UBE2E2: variants seen among roughly 807,000 people sequenced by gnomAD.
UBE2E2 encodes ubiquitin-conjugating enzyme E2 E2.
UBE2E2 carries 6 observed loss-of-function variants against 24.7 expected under a neutral mutation model. The ratio of observed to expected loss-of-function variants is 0.24; its 90% CI spans 0.13 to 0.48. The LOEUF (loss-of-function observed/expected upper bound fraction) is 0.48, where lower values mean the gene tolerates loss of function less well. Among genes scored for constraint, UBE2E2 ranks in the 20% least tolerant of loss-of-function variants. UBE2E2 has a pLI of 0.99. For missense variants in UBE2E2, 169 were observed against 245.0 expected (o/e 0.69, Z 2.07); for synonymous variants, 104 against 83.6 (o/e 1.24, Z -1.33).
chr3:23,472,182 A>G (rs1057282817), intron 3 of UBE2E2, among the ~76,000 whole-genome samples: 5 of 152,254 alleles, frequency 3.3e-5, no homozygotes, highest in Non-Finnish European at 7.3e-5. Flanking sequence ...AATGGAGTAT[A>G]TAAGATATTT....
Position 23,591,763 on chromosome 3 carries a change from C to T in UBE2E2, c.*1932C>T, listed in dbSNP as rs1696770473. 1 of 152,184 alleles carries T rather than the reference C, an allele frequency of 6.6e-6. No individual in the cohort carries two copies. The highest frequency in any genetic ancestry group is 1.5e-5 in the Non-Finnish European group (1 of 68,034). The allele number at this position is 152,184 out of a possible 1,614,324, so 9.4% of individuals were successfully genotyped here. ...AACGATGTGTCATTTCTTTCTTTAA[C>T]ATAAAATAAATTCAATATGGTACAA... On this transcript the variant is annotated 3_prime_UTR_variant, in exon 6 of 6. Transcript: ENST00000396703.
intron 3 of UBE2E2, among the ~76,000 whole-genome samples, chr3:23,224,340 A>G (rs185398376): frequency 6.6e-6 from 1 of 151,494 alleles, no homozygotes; most frequent in Non-Finnish European, 1.5e-5. Context: ...TTATTTCATC[A>G]GTTTTATAGT....
At chr3:23,488,935 A>C (rs1262038484) in intron 3 of UBE2E2, among the ~76,000 whole-genome samples, 1 of 152,224 alleles carries the variant, frequency 6.6e-6, no homozygotes, top group Non-Finnish European at 1.5e-5. Context: ...AAACATGCCC[A>C]GGATGAAAAG....
chr3:23,290,129 T>TAC lies in UBE2E2; in HGVS notation c.227+72829_227+72830dup, dbSNP rs553114841. On this transcript the variant is annotated intron_variant, in intron 3 of 5. Transcript: ENST00000396703. ...TTTTTAGAATATGTATGTATATGTC[T>TAC]ACACACACACACATACGCACACATG... 3.4e-4 allele frequency among the ~76,000 whole-genome samples: 51 copies of TAC among 152,146 alleles called. 1 individual carries two copies. The South Asian group carries it at 6.6e-3, about 20-fold the overall frequency.
chr3:23,314,447 T>A (rs747730624), intron 3 of UBE2E2, among the ~76,000 whole-genome samples: 19 of 152,144 alleles, frequency 1.2e-4, no homozygotes, highest in Non-Finnish European at 2.6e-4. Flanking sequence ...TTATTTTTGT[T>A]GGGTTTATGT....
chr3:23,297,745 G>A (rs576166374), intron 3 of UBE2E2, among the ~76,000 whole-genome samples: 1 of 152,190 alleles, frequency 6.6e-6, no homozygotes, highest in Admixed American at 6.5e-5. Flanking sequence ...TGTTCTTTTG[G>A]CTTAGGATTG....
At chr3:23,299,556 A>G (rs1699011412) in intron 3 of UBE2E2, among the ~76,000 whole-genome samples, 1 of 152,184 alleles carries the variant, frequency 6.6e-6, no homozygotes, top group African/African-American at 2.4e-5. Flanking sequence ...GTAGTCATTC[A>G]GGAGCAGGTT....
At chr3:23,434,197 TTTGTTGTACA>T (rs1432890116) in intron 3 of UBE2E2, among the ~76,000 whole-genome samples, 2 of 152,116 alleles carry the variant, frequency 1.3e-5, no homozygotes, top group African/African-American at 4.8e-5. Flanking sequence ...ACTGTGCAAT[TTTGTTGTACA>T]TTAACAATCA....
chr3:23,415,128 T>C (rs1467043209), intron 3 of UBE2E2, among the ~76,000 whole-genome samples: 1 of 152,220 alleles, frequency 6.6e-6, no homozygotes, highest in Admixed American at 6.5e-5. Flanking sequence ...TGAATGTCCT[T>C]TACTTCCACT....
chr3:23,396,702 A>T (rs1412248536), intron 3 of UBE2E2, among the ~76,000 whole-genome samples: 1 of 152,180 alleles, frequency 6.6e-6, no homozygotes, highest in Non-Finnish European at 1.5e-5. Flanking sequence ...GGAGATAATA[A>T]TAGTAACTTC....
intron 3 of UBE2E2, among the ~76,000 whole-genome samples, chr3:23,471,918 T>G (rs1253517613): frequency 6.6e-6 from 1 of 150,740 alleles, no homozygotes; most frequent in Non-Finnish European, 1.5e-5. Context: ...GACTGTCCCT[T>G]TCACAGTACA....
At chr3:23,430,662 G>A (rs1439764216) in intron 3 of UBE2E2, among the ~76,000 whole-genome samples, 1 of 152,022 alleles carries the variant, frequency 6.6e-6, no homozygotes, top group Non-Finnish European at 1.5e-5. Flanking sequence ...AGGACTACAG[G>A]CATGTGCCAC....
chr3:23,582,085 C>T (rs933755856), intron 5 of UBE2E2, among the ~76,000 whole-genome samples: 2 of 152,118 alleles, frequency 1.3e-5, no homozygotes, highest in African/African-American at 4.8e-5. Flanking sequence ...GCCATGGTAT[C>T]TGTTGTTTGC....
chr3:23,277,459 C>T (rs1291033684), intron 3 of UBE2E2, among the ~76,000 whole-genome samples: 1 of 152,072 alleles, frequency 6.6e-6, no homozygotes, highest in Non-Finnish European at 1.5e-5. Context: ...ACTGTGTAAA[C>T]CTCATAGACT....
chr3:23,505,479 C>T (rs749439169), intron 4 of UBE2E2, among the ~76,000 whole-genome samples: 4 of 152,092 alleles, frequency 2.6e-5, no homozygotes, highest in Admixed American at 6.5e-5. Flanking sequence ...ATGCTGTGTC[C>T]ATGTTCCTGG....
At chr3:23,539,835 C>CT (rs1308045530) in intron 5 of UBE2E2, among the ~76,000 whole-genome samples, 1 of 151,918 alleles carries the variant, frequency 6.6e-6, no homozygotes, top group Non-Finnish European at 1.5e-5. Context: ...GAAATTTTCA[C>CT]TAAGTGAAGA....
Position 23,539,949 on chromosome 3 carries a change from C to T in UBE2E2, c.508+7248C>T, listed in dbSNP as rs76141086. 6.2e-4 allele frequency among the ~76,000 whole-genome samples: 95 copies of T among 152,256 alleles called. 5 individuals are homozygous for T. The East Asian group carries it at 0.015, about 24-fold the overall frequency. ...GGAAAAGGCTGAAGTGGGTTTTTCA[C>T]ACATTCACAAAAAATAGAGAAAATG... is the stretch of plus-strand genomic sequence containing the variant. On this transcript the variant is annotated intron_variant, in intron 5 of 5. Transcript: ENST00000396703.
chr3:23,501,799 T>C (rs1332996038), intron 4 of UBE2E2, among the ~76,000 whole-genome samples: 2 of 152,128 alleles, frequency 1.3e-5, no homozygotes, highest in Non-Finnish European at 2.9e-5. Flanking sequence ...GACACCACAC[T>C]TCCCTTTACT....
chr3:23,366,577 G>A (rs76620173), intron 3 of UBE2E2, among the ~76,000 whole-genome samples: 2,319 of 152,222 alleles, frequency 0.015, 38 homozygotes, highest in African/African-American at 0.044. Flanking sequence ...GAGTACACAT[G>A]CACACAAATA....
Sources: allele counts gnomAD v4.1 joint callset (sites outside exome capture counted in the v4.1 genomes callset), GRCh38; gene constraint gnomAD v4.1.1; transcripts MANE v1.5; gene names NCBI Gene and HGNC (gene_info 2026-07-23, HGNC 2026-07-21).